POLH: variants seen among roughly 807,000 people sequenced by gnomAD.
POLH encodes the protein DNA polymerase eta.
POLH carries 53 observed loss-of-function variants against 73.6 expected under a neutral mutation model. That is an observed-to-expected ratio of 0.72 (90% CI 0.58 to 0.91). The LOEUF (loss-of-function observed/expected upper bound fraction) is 0.91. Ranked by LOEUF, POLH falls within the 40% of genes least tolerant of loss-of-function variation. The probability of loss-of-function intolerance (pLI) is 0.00; values close to 1 mark genes in which losing one functional copy is unlikely to be tolerated. For synonymous variants in POLH, 292 were observed against 308.5 expected, an observed-to-expected ratio of 0.95 and a Z score of 0.56; for missense variants, 768 against 865.4, an observed-to-expected ratio of 0.89 and a Z score of 1.41.
At chr6:43,587,148 C>G (rs926571018) in intron 3 of POLH, 124 bp from the exon 4 acceptor site, 117 of 799,084 alleles carry the variant, frequency 1.5e-4, no homozygotes, top group Non-Finnish European at 6.5e-5. Flanking sequence ...TGTCTAGTCT[C>G]TGTTAAGCCA....
intron 3 of POLH, among the ~76,000 whole-genome samples, chr6:43,586,569 A>G (rs775673134): frequency 2.0e-4 from 30 of 152,258 alleles, no homozygotes; most frequent in Non-Finnish European, 3.5e-4. Context: ...AAGTTTGAAT[A>G]GAAGACATAC....
Position 43,619,330 on chromosome 6 carries a change from A to C in POLH, c.*4773A>C, listed in dbSNP as rs1768553494. 7.5e-6 allele frequency among the ~76,000 whole-genome samples: 1 copy of C among 133,178 alleles called. No individual in the cohort carries two copies. The highest frequency in any genetic ancestry group is 9.2e-5 in the Admixed American group (1 of 10,874). 87.4% of individuals were successfully genotyped at this position (133,178 alleles called of 152,430 possible). A position where few individuals can be genotyped will look rare whatever the true frequency, so the allele number is the denominator to read the frequency against. ...CAATAAGCCATGATTGTGCCGCTGC[A>C]CTCCAGCCTGGGTGACAGTCTGAGA... On this transcript the variant is annotated 3_prime_UTR_variant, in exon 11 of 11. Transcript: ENST00000372236.
chr6:43,594,174 G>A (rs1765792145), intron 4 of POLH, among the ~76,000 whole-genome samples: 1 of 152,008 alleles, frequency 6.6e-6, no homozygotes, highest in Non-Finnish European at 1.5e-5. Context: ...AAGCAATGAT[G>A]AAAAAAATCT....
intron 1 of POLH, among the ~76,000 whole-genome samples, chr6:43,578,984 T>TA (rs1202279612): frequency 6.6e-6 from 1 of 152,240 alleles, no homozygotes; most frequent in Non-Finnish European, 1.5e-5. Context: ...AAGCTTTTAA[T>TA]ACCTATTGCC....
At chr6:43,610,440 G>A in intron 9 of POLH, 114 bp from the exon 10 acceptor site, 1 of 841,588 alleles carries the variant, frequency 1.2e-6, no homozygotes, top group Non-Finnish European at 2.0e-6. Flanking sequence ...TTAAACTACT[G>A]TTTCCAAACC....
chr6:43,597,115 T>G (rs1426658493), intron 4 of POLH, among the ~76,000 whole-genome samples: 1 of 152,148 alleles, frequency 6.6e-6, no homozygotes, highest in African/African-American at 2.4e-5. Context: ...CATTATTTTT[T>G]TTTATTTTTA....
rs772988854 is a variant in POLH at position 43,616,473 on chromosome 6, C to T, written c.*1916C>T. ...GCTTGGTGGCAGGCGCCTGTAATCC[C>T]AGGTACTCGGGAGACTGAGGCAGGA... On this transcript the variant is annotated 3_prime_UTR_variant, in exon 11 of 11. Coordinates refer to ENST00000372236, the MANE Select transcript of POLH (RefSeq NM_006502.3). Among the ~76,000 whole-genome samples the T allele has an allele frequency of 4.6e-5, 7 of 151,148 alleles. No homozygotes were observed. Among genetic ancestry groups the T allele is most frequent in the Non-Finnish European group, 1.0e-4 (7 of 67,886 alleles).
chr6:43,598,504 G>A (rs924815137), intron 5 of POLH, among the ~76,000 whole-genome samples: 11 of 151,586 alleles, frequency 7.3e-5, no homozygotes, highest in African/African-American at 1.5e-4. Context: ...ACATGGTGGC[G>A]TGCACCTGCA....
At position 43,585,053 on chromosome 6, in the gene POLH, G is replaced by C. The variant is rs1164670634; in HGVS notation, c.272+1912G>C. Among the ~76,000 whole-genome samples, 6 of 152,290 alleles carry C rather than the reference G, an allele frequency of 3.9e-5. No homozygotes were observed. In the South Asian group the frequency reaches 1.0e-3, roughly 26 times the overall value. The stretch of plus-strand genomic sequence containing the variant: ...GTGCAGCTCTAGTTCCAGCTACTCA[G>C]GAAGCTGAGGTGGGAGGGTCGCTTG... On this transcript the variant is annotated intron_variant, in intron 3 of 10. Transcript: ENST00000372236.
intron 5 of POLH, among the ~76,000 whole-genome samples, chr6:43,598,408 C>T (rs1766339925): frequency 6.6e-6 from 1 of 151,606 alleles, no homozygotes; most frequent in Non-Finnish European, 1.5e-5. Context: ...AGGTGGATCA[C>T]CTGAGGTCAG....
At chr6:43,601,810 G>A (rs1410368080) in intron 6 of POLH, among the ~76,000 whole-genome samples, 1 of 152,070 alleles carries the variant, frequency 6.6e-6, no homozygotes, top group African/African-American at 2.4e-5. Context: ...TGTAATCCCA[G>A]CACTTTGGGA....
chr6:43,582,491 G>A, intron 2 of POLH, 35 bp downstream of exon 2: 1 of 1,605,540 alleles, frequency 6.2e-7, no homozygotes, highest in African/African-American at 1.3e-5. Flanking sequence ...ACTATTCAAT[G>A]GTAACACAGT....
chr6:43,598,830 G>A (rs1270868824), intron 5 of POLH, among the ~76,000 whole-genome samples: 4 of 152,016 alleles, frequency 2.6e-5, no homozygotes, highest in African/African-American at 9.7e-5. Flanking sequence ...GGGACTTGGG[G>A]TTTTGGTATC....
At chr6:43,588,693 T>G (rs1765111981) in intron 4 of POLH, 1 of 152,388 alleles carries the variant, frequency 6.6e-6, no homozygotes, top group South Asian at 2.1e-4. Context: ...CCTCAAATGA[T>G]CCACCTGCCT....
intron 1 of POLH, among the ~76,000 whole-genome samples, chr6:43,580,767 G>A (rs1434857256): frequency 1.5e-4 from 19 of 124,014 alleles, no homozygotes; most frequent in South Asian, 5.2e-4. Flanking sequence ...GCGGGGGGCC[G>A]ACCCCCCCAC....
In POLH at chr6:43,617,645, G is replaced by A. The variant is rs373844625; in HGVS notation, c.*3088G>A. On this transcript the variant is annotated 3_prime_UTR_variant, in exon 11 of 11. Coordinates refer to ENST00000372236, the MANE Select transcript of POLH (RefSeq NM_006502.3). ...GTTTAAAAAAAAAAAAATTCCCAAT[G>A]TGGGCCGGGTGCAGTGGCTCATGCC... Among the ~76,000 whole-genome samples the A allele has an allele frequency of 1.2e-3, 184 of 151,770 alleles. No individual in the cohort carries two copies. In the South Asian group the frequency reaches 0.016, roughly 13 times the overall value.
At chr6:43,578,468 A>G (rs1267844392) in intron 1 of POLH, 1 of 440,052 alleles carries the variant, frequency 2.3e-6, no homozygotes, top group Non-Finnish European at 4.5e-6. Context: ...TGTGGAAGTC[A>G]AATATCAGTA....
intron 9 of POLH, among the ~76,000 whole-genome samples, chr6:43,605,861 GCACATACCACCA>G (rs1308601551): frequency 6.6e-6 from 1 of 151,822 alleles, no homozygotes; most frequent in African/African-American, 2.4e-5. Context: ...AGGATTACAG[GCACATACCACCA>G]CACCCGGCTA....
At chr6:43,598,965 C>T (rs1419686063) in intron 5 of POLH, among the ~76,000 whole-genome samples, 1 of 142,188 alleles carries the variant, frequency 7.0e-6, no homozygotes, top group African/African-American at 2.6e-5. Flanking sequence ...TGTATTTCTT[C>T]TATTTTCACT....
Sources: gnomAD v4.1 joint callset for allele counts (sites outside exome capture counted in the v4.1 genomes callset) on GRCh38, gnomAD v4.1.1 for gene constraint, MANE v1.5 for transcripts, NCBI Gene and HGNC (gene_info 2026-07-23, HGNC 2026-07-21) for gene names.